DPP6: variants seen among roughly 807,000 people sequenced by gnomAD.
DPP6 encodes the protein dipeptidyl peptidase like 6.
DPP6 carries 69 observed loss-of-function variants against 122.6 expected under a neutral mutation model. The observed-to-expected ratio is 0.56, with a 90% CI of 0.46 to 0.69. The LOEUF (loss-of-function observed/expected upper bound fraction) is 0.69. Among genes scored for constraint, DPP6 ranks in the 30% least tolerant of loss-of-function variants. DPP6 has a pLI of 0.00. For synonymous variants in DPP6, 418 were observed against 433.1 expected, an observed-to-expected ratio of 0.97 and a Z score of 0.43; for missense variants, 928 against 1,116.9, an observed-to-expected ratio of 0.83 and a Z score of 2.41.
intron 1 of DPP6, among the ~76,000 whole-genome samples, chr7:154,057,091 G>A (rs1453955960): frequency 3.3e-5 from 5 of 152,206 alleles, no homozygotes; most frequent in Non-Finnish European, 5.9e-5. Context: ...CTACAAAGTG[G>A]GAGCCATGAG....
the DPP6 span, among the ~76,000 whole-genome samples, chr7:153,861,658 C>G: frequency 2.0e-5 from 3 of 152,238 alleles, no homozygotes; most frequent in East Asian, 5.8e-4. Context: ...ATTGGCTACC[C>G]TATGTTTATT....
chr7:154,701,826 A>G (rs1840546983), intron 7 of DPP6, among the ~76,000 whole-genome samples: 1 of 152,224 alleles, frequency 6.6e-6, no homozygotes, highest in South Asian at 2.1e-4. Context: ...CTGATAGTTG[A>G]ATGTGGCACA....
chr7:153,893,218 A>G (rs1293458922), intron 1 of DPP6, among the ~76,000 whole-genome samples: 1 of 152,214 alleles, frequency 6.6e-6, no homozygotes, highest in East Asian at 1.9e-4. Context: ...GTTTTTCAAC[A>G]TATAAATGTA....
intron 1 of DPP6, among the ~76,000 whole-genome samples, chr7:153,920,561 C>CTTTTTTTTTTTTTTTTTTT (rs1489811189): frequency 8.0e-5 from 5 of 62,470 alleles, no homozygotes; most frequent in African/African-American, 2.2e-4. Flanking sequence ...TTTTATCTCT[C>CTTTTTTTTTTTTTTTTTTT]TCTTTTTTTT....
At chr7:154,309,053 C>T (rs947282013) in intron 1 of DPP6, among the ~76,000 whole-genome samples, 7 of 152,218 alleles carry the variant, frequency 4.6e-5, no homozygotes, top group Admixed American at 1.3e-4. Flanking sequence ...CACATGCACT[C>T]GTTGGTCCTA....
intron 7 of DPP6, among the ~76,000 whole-genome samples, chr7:154,687,326 G>A (rs1839675804): frequency 6.6e-6 from 1 of 152,096 alleles, no homozygotes; most frequent in Admixed American, 6.5e-5. Context: ...TTTGTCCATG[G>A]ATATTTAGTT....
At chr7:154,258,395 C>A (rs928894381) in intron 1 of DPP6, among the ~76,000 whole-genome samples, 14 of 152,102 alleles carry the variant, frequency 9.2e-5, no homozygotes, top group African/African-American at 3.1e-4. Context: ...ATTTATGCTC[C>A]CCACCAAAAA....
chr7:153,830,247 A>G, the DPP6 span, among the ~76,000 whole-genome samples: 1 of 152,244 alleles, frequency 6.6e-6, no homozygotes. Context: ...AAAAGCCCTC[A>G]GCGAAGTAAA....
intron 3 of DPP6, among the ~76,000 whole-genome samples, chr7:154,497,207 C>A (rs917639744): frequency 2.0e-5 from 3 of 152,162 alleles, no homozygotes; most frequent in Admixed American, 6.5e-5. Context: ...AAGTAACCTG[C>A]CCAATTAGAG....
intron 1 of DPP6, among the ~76,000 whole-genome samples, chr7:154,243,799 A>G (rs1801803230): frequency 6.6e-6 from 1 of 152,086 alleles, no homozygotes; most frequent in Non-Finnish European, 1.5e-5. Flanking sequence ...CCATCTCAAA[A>G]AAAAAAGAAA....
intron 4 of DPP6, among the ~76,000 whole-genome samples, chr7:154,548,443 G>A (rs527457950): frequency 1.3e-5 from 2 of 150,744 alleles, no homozygotes; most frequent in East Asian, 3.9e-4. Context: ...CAGACGAATC[G>A]CTTGAACCCA....
At chr7:153,763,529 G>A in the DPP6 span, among the ~76,000 whole-genome samples, 6 of 152,168 alleles carry the variant, frequency 3.9e-5, no homozygotes, top group South Asian at 8.3e-4. Context: ...GCTTTGTGGC[G>A]AGAGACAAAA....
the DPP6 span, among the ~76,000 whole-genome samples, chr7:153,786,911 A>T: frequency 6.8e-6 from 1 of 146,692 alleles, no homozygotes; most frequent in African/African-American, 2.5e-5. Context: ...TTAGCACTTT[A>T]TGTAAAAAAA....
intron 1 of DPP6, among the ~76,000 whole-genome samples, chr7:154,194,399 C>A (rs1397165047): frequency 1.3e-5 from 2 of 152,152 alleles, no homozygotes; most frequent in African/African-American, 2.4e-5. Flanking sequence ...TAATGGCATA[C>A]AACAAATTGC....
At chr7:153,780,352 TA>T in the DPP6 span, among the ~76,000 whole-genome samples, 9 of 152,336 alleles carry the variant, frequency 5.9e-5, no homozygotes. Context: ...AAGGCTTCTC[TA>T]CTGACCTTTT....
chr7:154,306,642 A>G (rs759478048), intron 1 of DPP6, among the ~76,000 whole-genome samples: 14 of 152,186 alleles, frequency 9.2e-5, no homozygotes, highest in Non-Finnish European at 1.8e-4. Flanking sequence ...TTGGATTTGT[A>G]TTTAGTGGGG....
chr7:154,021,597 T>C (rs1427736169), intron 1 of DPP6, among the ~76,000 whole-genome samples: 1 of 152,102 alleles, frequency 6.6e-6, no homozygotes, highest in Non-Finnish European at 1.5e-5. Context: ...TTATCCCCTG[T>C]GTATGTGGGG....
chr7:153,910,318 C>G (rs1288600626), intron 1 of DPP6, among the ~76,000 whole-genome samples: 2 of 151,038 alleles, frequency 1.3e-5, no homozygotes, highest in Non-Finnish European at 2.9e-5. Flanking sequence ...CAACCTCTGC[C>G]TCCTGCGTTC....
intron 5 of DPP6, among the ~76,000 whole-genome samples, chr7:154,593,820 G>A (rs1832941088): frequency 1.3e-5 from 2 of 152,228 alleles, no homozygotes; most frequent in Admixed American, 1.3e-4. Flanking sequence ...AGAGACCCAA[G>A]TCATACTCAC....
Sources: allele counts gnomAD v4.1 joint callset (sites outside exome capture counted in the v4.1 genomes callset), GRCh38; gene constraint gnomAD v4.1.1; transcripts MANE v1.5; gene names NCBI Gene and HGNC (gene_info 2026-07-23, HGNC 2026-07-21).